Variants in DNAH8 observed in about 807,000 individuals in gnomAD.
DNAH8 encodes dynein axonemal heavy chain 8.
DNAH8 carries 382 observed loss-of-function variants against 562.1 expected under a neutral mutation model. The ratio of observed to expected loss-of-function variants is 0.68; its 90% CI spans 0.63 to 0.74. DNAH8 has a LOEUF of 0.74. DNAH8 is among the 30% of genes least tolerant of loss of function. The pLI is 0.00. For missense variants in DNAH8, 5,203 were observed against 5,620.4 expected, an observed-to-expected ratio of 0.93 and a Z score of 2.37; for synonymous variants, 1,881 against 1,919.4, an observed-to-expected ratio of 0.98 and a Z score of 0.52.
chr6:38,785,887 A>G (rs1205532715), intron 17 of DNAH8, among the ~76,000 whole-genome samples: 1 of 152,262 alleles, frequency 6.6e-6, no homozygotes, highest in Non-Finnish European at 1.5e-5. Flanking sequence ...GTAAAAGTCA[A>G]CTAACTTCAA....
At chr6:38,950,656 G>T (rs1761835665) in intron 81 of DNAH8, among the ~76,000 whole-genome samples, 1 of 152,046 alleles carries the variant, frequency 6.6e-6, no homozygotes, top group African/African-American at 2.4e-5. Context: ...AGTCAGGATG[G>T]TCTCGATCTC....
chr6:38,757,523 C>T (rs1473250773), intron 10 of DNAH8, among the ~76,000 whole-genome samples: 2 of 151,886 alleles, frequency 1.3e-5, no homozygotes, highest in Non-Finnish European at 2.9e-5. Context: ...CTCTTTAGTT[C>T]AATTAGATCC....
chr6:38,909,789 G>A, intron 65 of DNAH8, 45 bp downstream of exon 65: 2 of 1,460,350 alleles, frequency 1.4e-6, no homozygotes, highest in Non-Finnish European at 1.9e-6. Flanking sequence ...ACCACAGCAT[G>A]TATTCCCAAG....
intron 30 of DNAH8, 92 bp from the exon 31 acceptor site, chr6:38,832,230 A>G (rs1228535195): frequency 1.4e-6 from 1 of 731,892 alleles, no homozygotes; most frequent in African/African-American, 1.8e-5. Context: ...CATATAGGAT[A>G]TCTGTGAGAT....
intron 58 of DNAH8, among the ~76,000 whole-genome samples, chr6:38,892,379 A>G (rs1302049397): frequency 6.6e-6 from 1 of 152,064 alleles, no homozygotes; most frequent in Admixed American, 6.6e-5. Flanking sequence ...TCCAAACAGA[A>G]CTCCTAAATG....
At position 38,917,915 on chromosome 6, in the gene DNAH8, T is replaced by C. The variant is rs777201670; in HGVS notation, c.10309-10T>C. 3 of 1,599,034 alleles carry C rather than the reference T, an allele frequency of 1.9e-6. No homozygotes were observed. The highest frequency in any genetic ancestry group is 2.6e-6 in the Non-Finnish European group (3 of 1,171,454). On this transcript the variant is annotated splice_polypyrimidine_tract_variant and intron_variant, in intron 69 of 92. Transcript: ENST00000327475. ...TTCCAGAACTTACAGGTTATAATAC[T>C]ATTTTTCAGTTGATGAGTGCAACAG...
chr6:38,867,467 G>A (rs1482430013), intron 47 of DNAH8, among the ~76,000 whole-genome samples: 3 of 152,080 alleles, frequency 2.0e-5, no homozygotes, highest in Middle Eastern at 3.4e-3. Flanking sequence ...TGTTTGGGCC[G>A]GGTGCCGTGG....
intron 26 of DNAH8, 139 bp downstream of exon 26, chr6:38,815,796 C>T (rs1026812826): frequency 7.6e-6 from 6 of 788,600 alleles, no homozygotes; most frequent in Non-Finnish European, 9.4e-6. Context: ...AACGTGCAGG[C>T]ATTTTTTCCT....
At chr6:38,875,307 A>G (rs1281087919) in intron 52 of DNAH8, among the ~76,000 whole-genome samples, 2 of 152,170 alleles carry the variant, frequency 1.3e-5, no homozygotes, top group African/African-American at 4.8e-5. Context: ...TTGCTTTCCC[A>G]GTAGGAAATT....
At chr6:38,923,294 G>T in intron 72 of DNAH8, 109 bp downstream of exon 72, 1 of 1,345,206 alleles carries the variant, frequency 7.4e-7, no homozygotes, top group South Asian at 1.4e-5. Flanking sequence ...GACAGTGCTT[G>T]CAACTTAAAT....
intron 10 of DNAH8, among the ~76,000 whole-genome samples, chr6:38,758,986 TA>T (rs1191468266): frequency 6.6e-6 from 1 of 152,090 alleles, no homozygotes; most frequent in African/African-American, 2.4e-5. Context: ...TGGTCTTTTT[TA>T]AAATAATTTG....
chr6:38,738,785 G>T (rs1325469997), intron 7 of DNAH8, among the ~76,000 whole-genome samples: 1 of 152,188 alleles, frequency 6.6e-6, no homozygotes. Context: ...CTAGGGTCTA[G>T]AGTGCTGGCC....
In DNAH8 at chr6:38,938,922, A is replaced by G; in HGVS notation, c.11941A>G (p.Met3981Val). The stretch of plus-strand genomic sequence containing the variant: ...CCACAAATTCCTGTTTGTACTCCTC[A>G]TGACCTTAAAGATTGACCTTCAGAG... Reference protein sequence around the residue: ...ENHKFLFVLLMTLKIDLQRGT... With the variant: ...ENHKFLFVLLVTLKIDLQRGT... Residue 3981 changes from methionine (M) to valine (V), a missense_variant, in exon 79 of 93, where the codon ATG (methionine) becomes GTG (valine). By Grantham distance (21) the Met-to-Val change is conservative. Around this residue, in one of 6 missense-constraint regions of DNAH8, gnomAD observed 1,399 missense variants for 1,518.4 expected, o/e 0.92. Coordinates refer to ENST00000327475, the MANE Select transcript of DNAH8 (RefSeq NM_001206927.2). 6.2e-7 allele frequency: 1 copy of G among 1,614,028 alleles called. No homozygotes were observed. The highest frequency in any genetic ancestry group is 8.5e-7 in the Non-Finnish European group (1 of 1,179,934).
At chr6:39,020,633 C>G (rs1766856291) in intron 91 of DNAH8, among the ~76,000 whole-genome samples, 1 of 151,984 alleles carries the variant, frequency 6.6e-6, no homozygotes, top group African/African-American at 2.4e-5. Context: ...GGTTTTAAGC[C>G]CCGCATGCAT....
chr6:38,939,829 T>C (rs1204749840), intron 79 of DNAH8, among the ~76,000 whole-genome samples: 1 of 152,114 alleles, frequency 6.6e-6, no homozygotes, highest in Non-Finnish European at 1.5e-5. Flanking sequence ...CCACACCCCA[T>C]AAAGAAAGTG....
At chr6:38,756,152 G>A in intron 10 of DNAH8, 73 bp downstream of exon 10, 1 of 968,674 alleles carries the variant, frequency 1.0e-6, no homozygotes, top group South Asian at 1.3e-5. Flanking sequence ...TGAGCCCTAG[G>A]AAGGGAATTT....
chr6:38,815,675 G>C lies in DNAH8; in HGVS notation c.3523+18G>C, dbSNP rs1308879923. 2 of 1,594,718 alleles carry C rather than the reference G, an allele frequency of 1.3e-6. No individual in the cohort carries two copies. The highest frequency in any genetic ancestry group is 2.3e-5 in the East Asian group (1 of 43,812). On this transcript the variant is annotated intron_variant, in intron 26 of 92. Transcript: ENST00000327475. ...GGAAGAAAGTAAGAATGTAAAATTA[G>C]TCAATGATCTTACTGATCCTTTTTG...
chr6:38,892,216 A>T (rs1477040114), intron 58 of DNAH8, among the ~76,000 whole-genome samples: 1 of 152,000 alleles, frequency 6.6e-6, no homozygotes, highest in East Asian at 1.9e-4. Context: ...AGGTGGCCTC[A>T]TCAAGCTTCA....
At chr6:38,734,396 T>C in intron 4 of DNAH8, 78 bp from the exon 5 acceptor site, 6 of 1,442,770 alleles carry the variant, frequency 4.2e-6, no homozygotes, top group Non-Finnish European at 4.5e-6. Flanking sequence ...CAGGAAACAA[T>C]AGTGTAAGAG....
Sources: gnomAD v4.1 joint callset for allele counts (sites outside exome capture counted in the v4.1 genomes callset) on GRCh38, gnomAD v4.1.1 for gene constraint, gnomAD v4.1.1 regional missense constraint, MANE v1.5 for transcripts, NCBI Gene and HGNC (gene_info 2026-07-23, HGNC 2026-07-21) for gene names.